The following PPIE variants were observed in gnomAD, a reference collection of about 807,000 sequenced individuals.
PPIE encodes the protein peptidylprolyl isomerase E.
Under a neutral mutation model 38.4 loss-of-function variants are expected in PPIE, and 20 were observed. That is an observed-to-expected ratio of 0.52 (90% CI 0.37 to 0.76). The LOEUF is 0.76. PPIE is among the 30% of genes least tolerant of loss of function. The pLI is 0.00. For missense variants in PPIE, 322 were observed against 385.8 expected, an observed-to-expected ratio of 0.83 and a Z score of 1.39; for synonymous variants, 142 against 135.7, an observed-to-expected ratio of 1.05 and a Z score of -0.32.
At chr1:39,758,114 G>A (rs900781263), downstream of PPIE, 1 of 152,192 alleles carries the variant, frequency 6.6e-6, no homozygotes, top group East Asian at 1.9e-4. Flanking sequence ...GATACAGGTG[G>A]AGTAAAAAAT....
chr1:39,739,935 G>T (rs975410629), intron 1 of PPIE, among the ~76,000 whole-genome samples: 2 of 152,196 alleles, frequency 1.3e-5, no homozygotes, highest in Non-Finnish European at 2.9e-5. Context: ...AGGGAGGTCA[G>T]TTGTGAAGCT....
intron 9 of PPIE, chr1:39,762,793 T>C: frequency 3.2e-6 from 4 of 1,259,804 alleles, no homozygotes; most frequent in Non-Finnish European, 4.3e-6. Context: ...GCTGTGCCTC[T>C]GAGCGCTGCA....
downstream of PPIE, chr1:39,760,547 C>T (rs775912651): frequency 3.7e-5 from 59 of 1,613,728 alleles, no homozygotes; most frequent in East Asian, 4.5e-5. Flanking sequence ...TTGGGGACTG[C>T]GTCTGGCATC....
chr1:39,741,610 C>T, intron 3 of PPIE: 1 of 643,796 alleles, frequency 1.6e-6, no homozygotes, highest in East Asian at 2.7e-5. Flanking sequence ...CTGCCAGGCC[C>T]TCCCATTCTT....
rs7547787 is a variant in PPIE at position 39,755,134 on chromosome 1, G to A, written c.*1779G>A. 0.36 allele frequency: 354,845 copies of A among 985,202 alleles called. 64,967 individuals carry two copies. The highest frequency in any genetic ancestry group is 0.4 in the South Asian group (8,588 of 21,276). 61.0% of individuals were successfully genotyped at this position (985,202 alleles called of 1,614,324 possible). ...CCCTCCAGATGCTGGTCAGCCAGGC[G>A]GTTATAAAGAATCTCATCTGCTGAA... On this transcript the variant is annotated 3_prime_UTR_variant, in exon 10 of 10. Transcript: ENST00000324379.
downstream of PPIE, chr1:39,759,949 G>C (rs562056): frequency 0.12 from 20,374 of 172,452 alleles, 1,500 homozygotes; most frequent in Admixed American, 0.16. Flanking sequence ...TGCACCTCGG[G>C]CAGGCAATGG....
Position 39,763,738 on chromosome 1 carries a change from C to T in PPIE, c.887C>T (p.Thr296Met), listed in dbSNP as rs150985572. The change falls in exon 10 of 10, where the codon ACG (threonine) becomes ATG (methionine). Residue 296 changes from threonine (T) to methionine (M), a missense_variant. Physicochemically the swap from Thr to Met is moderately conservative, Grantham distance 81 (BLOSUM62 -1). Coordinates refer to the PPIE transcript ENST00000356511. ...AGCCAGCCGAGGTCCTGGAAGCTGA[C>T]GTAGAGCTCGTGCCGACGGCAGACC... 4.4e-5 allele frequency: 70 copies of T among 1,603,044 alleles called. 2 individuals are homozygous for T. Among genetic ancestry groups the T allele is most frequent in the Non-Finnish European group, 5.4e-5 (63 of 1,174,620 alleles).
intron 1 of PPIE, chr1:39,739,317 A>T: frequency 4.8e-6 from 1 of 206,548 alleles, no homozygotes; most frequent in Non-Finnish European, 9.6e-6. Flanking sequence ...AGACGGAATG[A>T]TTATTCTGAC....
At position 39,755,149 on chromosome 1, in the gene PPIE, C is replaced by T. The variant is rs1648130687; in HGVS notation, c.*1794C>T. On this transcript the variant is annotated 3_prime_UTR_variant, in exon 10 of 10. Transcript: ENST00000324379. Reference sequence around the variant, plus strand: ...TCAGCCAGGCGGTTATAAAGAATCTCATCTGCTGAAGGCTTTTAGCAGGGA... The same window carrying T: ...TCAGCCAGGCGGTTATAAAGAATCTTATCTGCTGAAGGCTTTTAGCAGGGA... 2.0e-6 allele frequency: 2 copies of T among 985,352 alleles called. No individual in the cohort carries two copies. 61.0% of individuals were successfully genotyped at this position (985,352 alleles called of 1,614,324 possible).
intron 6 of PPIE, 67 bp downstream of exon 6, chr1:39,743,991 G>A (rs1273508538): frequency 3.6e-6 from 4 of 1,112,012 alleles, no homozygotes; most frequent in Middle Eastern, 2.1e-4. Context: ...TTTTTTTTAA[G>A]TTTTAATGGA....
rs962591351 is a variant in PPIE, at chr1:39,762,702, C to T, written c.838-987C>T. On this transcript the variant is annotated intron_variant, in intron 9 of 9. Transcript: ENST00000356511. ...ACACACTGTGCACACATATCACGGG[C>T]GGTCAGACTTGCCAGCGTACTCGGC... 128 of 1,471,904 alleles carry T rather than the reference C, an allele frequency of 8.7e-5. No homozygotes were observed. The African/African-American group carries it at 1.2e-3, about 14-fold the overall frequency. 91.2% of individuals were successfully genotyped at this position (1,471,904 alleles called of 1,614,324 possible).
Position 39,755,875 on chromosome 1 carries a change from G to T in PPIE, c.*2520G>T, listed in dbSNP as rs1195808684. ...GCGTGACTGCCAAAGGTCACACAGG[G>T]TGGTTTGGCAGAGCTGGGATTAGAA... On this transcript the variant is annotated 3_prime_UTR_variant, in exon 10 of 10. Coordinates refer to ENST00000324379, the MANE Select transcript of PPIE (RefSeq NM_006112.4). 4.5e-5 allele frequency: 44 copies of T among 985,322 alleles called. No individual in the cohort carries two copies. Among genetic ancestry groups the T allele is most frequent in the Non-Finnish European group, 5.1e-5 (42 of 829,926 alleles). The allele number at this position is 985,322 out of a possible 1,614,324, so 61.0% of individuals were successfully genotyped here. A position where few individuals can be genotyped will look rare whatever the true frequency, so the allele number is the denominator to read the frequency against.
At position 39,753,781 on chromosome 1, in the gene PPIE, T is replaced by A; in HGVS notation, c.*426T>A. 1.0e-6 allele frequency: 1 copy of A among 1,003,880 alleles called. No individual in the cohort carries two copies. The highest frequency in any genetic ancestry group is 1.2e-6 in the Non-Finnish European group (1 of 841,682). 62.2% of individuals were successfully genotyped at this position (1,003,880 alleles called of 1,614,324 possible). ...TGGACCTCTGAGGCAGGCTGGTGAG[T>A]GGGGAGAGCAGAGCATCTTTTTCAC... On this transcript the variant is annotated 3_prime_UTR_variant, in exon 10 of 10. Coordinates refer to ENST00000324379, the MANE Select transcript of PPIE (RefSeq NM_006112.4).
chr1:39,748,290 A>G (rs1405527169), intron 7 of PPIE: 2 of 152,224 alleles, frequency 1.3e-5, no homozygotes, highest in Admixed American at 6.5e-5. Context: ...TTAAGAAACC[A>G]TCACCAAATC....
intron 1 of PPIE, 83 bp downstream of exon 1, chr1:39,739,014 C>T (rs1646991441): frequency 2.2e-6 from 3 of 1,334,620 alleles, no homozygotes; most frequent in Non-Finnish European, 2.9e-6. Context: ...CATCTCTGAA[C>T]CAGGAGGACG....
In PPIE at chr1:39,741,243, T is replaced by C; in HGVS notation, c.131-123T>C. 6.4e-6 allele frequency: 5 copies of C among 783,792 alleles called. No homozygotes were observed. The East Asian group carries it at 1.0e-4, about 16-fold the overall frequency. 48.6% of individuals were successfully genotyped at this position (783,792 alleles called of 1,614,324 possible). ...AAGAATGAGATTCCTTCTTCCTAAA[T>C]AGTGATTGGATAGAACTTCTGGTGT... On this transcript the variant is annotated intron_variant, in intron 2 of 9. Transcript: ENST00000324379.
chr1:39,763,210 G>A lies in PPIE; in HGVS notation c.838-479G>A, dbSNP rs765738860. 7 of 1,605,776 alleles carry A rather than the reference G, an allele frequency of 4.4e-6. No individual in the cohort carries two copies. The South Asian group carries it at 4.4e-5, about 10-fold the overall frequency. ...GGGAGCGATGACCCAGTCCTGGGGG[G>A]CAAGGGAGAAGGTGAGTCCCATCCA... On this transcript the variant is annotated intron_variant, in intron 9 of 9. Coordinates refer to the PPIE transcript ENST00000356511.
At chr1:39,743,087 AG>A in intron 4 of PPIE, 128 bp from the exon 5 acceptor site, 1 of 749,694 alleles carries the variant, frequency 1.3e-6, no homozygotes, top group South Asian at 1.8e-5. Flanking sequence ...GTGGCTGCAT[AG>A]CTTACTGGTA....
chr1:39,745,747 T>A lies in PPIE; in HGVS notation c.508+249T>A, dbSNP rs551109160. 2.8e-5 allele frequency: 13 copies of A among 466,206 alleles called. No homozygotes were observed. The East Asian group carries it at 4.0e-4, about 14-fold the overall frequency. The allele number at this position is 466,206 out of a possible 1,614,324, so 28.9% of individuals were successfully genotyped here. A position where few individuals can be genotyped will look rare whatever the true frequency, so the allele number is the denominator to read the frequency against. On this transcript the variant is annotated intron_variant, in intron 7 of 9. Coordinates refer to ENST00000324379, the MANE Select transcript of PPIE (RefSeq NM_006112.4). ...CAAGTAAATAATGTATTCTTTTTTTTAAAGAATAGCATATACATATATTCC... is the reference window on the plus strand; with the variant it reads ...CAAGTAAATAATGTATTCTTTTTTTAAAAGAATAGCATATACATATATTCC...
Sources: allele counts gnomAD v4.1 joint callset (sites outside exome capture counted in the v4.1 genomes callset), GRCh38; gene constraint gnomAD v4.1.1; transcripts MANE v1.5; gene names NCBI Gene and HGNC (gene_info 2026-07-23, HGNC 2026-07-21).